NOSTRIN: variants seen among roughly 807,000 people sequenced by gnomAD.
NOSTRIN encodes the protein BM247 homolog.
NOSTRIN carries 63 observed loss-of-function variants against 59.0 expected under a neutral mutation model. The observed-to-expected ratio is 1.07, with a 90% CI of 0.87 to 1.32. NOSTRIN has a LOEUF of 1.32. Among genes scored for constraint, NOSTRIN ranks in the 40% most tolerant of loss-of-function variants. NOSTRIN has a pLI of 0.00. For synonymous variants in NOSTRIN, 200 were observed against 165.4 expected, an observed-to-expected ratio of 1.21 and a Z score of -1.61; for missense variants, 512 against 473.1, an observed-to-expected ratio of 1.08 and a Z score of -0.76.
At chr2:168,829,561 T>C (rs1687251280) in intron 5 of NOSTRIN, among the ~76,000 whole-genome samples, 1 of 152,214 alleles carries the variant, frequency 6.6e-6, no homozygotes, top group South Asian at 2.1e-4. Context: ...CCTCAGGTGA[T>C]CCGCCCATCT....
chr2:168,795,749 T>C (rs1685462581), upstream of NOSTRIN, among the ~76,000 whole-genome samples: 1 of 152,220 alleles, frequency 6.6e-6, no homozygotes, highest in Admixed American at 6.5e-5. Context: ...AAGCTTATTT[T>C]GTGCAATTTT....
chr2:168,806,666 G>GT (rs1386537576), intron 1 of NOSTRIN, among the ~76,000 whole-genome samples: 5 of 152,064 alleles, frequency 3.3e-5, no homozygotes, highest in Non-Finnish European at 7.4e-5. Context: ...ACCTCATCGT[G>GT]TTTTTTTCCC....
intron 1 of NOSTRIN, among the ~76,000 whole-genome samples, chr2:168,809,105 A>G (rs1476280917): frequency 6.6e-6 from 1 of 152,232 alleles, no homozygotes; most frequent in Admixed American, 6.5e-5. Context: ...CCCCAAATAC[A>G]TATGTCTTTA....
chr2:168,810,251 AGTCCTATCACAGCTTTCT>A (rs1313308197), intron 1 of NOSTRIN, among the ~76,000 whole-genome samples: 2 of 152,332 alleles, frequency 1.3e-5, no homozygotes, highest in African/African-American at 4.8e-5. Flanking sequence ...AGCAGTTTCA[AGTCCTATCACAGCTTTCT>A]GTGTTAAATT....
rs1324543146 is a variant in NOSTRIN, at chr2:168,834,237, A to T, written c.416A>T (p.Lys139Ile). Residue 139 changes from lysine to isoleucine, a missense_variant, in exon 7 of 16, where the codon AAA (lysine) becomes ATA (isoleucine). Physicochemically the swap from Lys to Ile is moderately radical, Grantham distance 102. Coordinates refer to ENST00000317647, the MANE Select transcript of NOSTRIN (RefSeq NM_001039724.4). The part of the protein sequence containing the change: ...NWNQQIKAKK[K>I]LMVSTKKHEA... ...TGTTTTTTACTCTAGGCCAAGAAGA[A>T]ATTAATGGTTAGTACCAAGAAACAT... 2.3e-6 allele frequency: 2 copies of T among 872,606 alleles called. No individual in the cohort carries two copies. Among genetic ancestry groups the T allele is most frequent in the African/African-American group, 3.3e-5 (2 of 61,318 alleles). The allele number at this position is 872,606 out of a possible 1,614,324, so 54.1% of individuals were successfully genotyped here. A position where few individuals can be genotyped will look rare whatever the true frequency, so the allele number is the denominator to read the frequency against.
chr2:168,798,391 A>T (rs1685536326), upstream of NOSTRIN, among the ~76,000 whole-genome samples: 1 of 152,198 alleles, frequency 6.6e-6, no homozygotes, highest in Admixed American at 6.5e-5. Context: ...CCTTTTTCTT[A>T]CTAGCTTACC....
At chr2:168,797,761 G>A (rs1424329132), upstream of NOSTRIN, among the ~76,000 whole-genome samples, 6 of 152,016 alleles carry the variant, frequency 3.9e-5, no homozygotes, top group African/African-American at 1.4e-4. Flanking sequence ...ATGAATCGCT[G>A]GAGTTCAGGA....
chr2:168,788,767 T>C (rs1685268898), intron 2 of NOSTRIN, among the ~76,000 whole-genome samples: 1 of 152,180 alleles, frequency 6.6e-6, no homozygotes, highest in African/African-American at 2.4e-5. Flanking sequence ...CTTAGTAGTA[T>C]TGGATTAAAA....
At chr2:168,835,978 G>A (rs1687695361) in intron 7 of NOSTRIN, among the ~76,000 whole-genome samples, 1 of 152,216 alleles carries the variant, frequency 6.6e-6, no homozygotes, top group Non-Finnish European at 1.5e-5. Context: ...TACAAAAGAT[G>A]AGTCTCCACT....
Position 168,862,065 on chromosome 2 carries a change from A to C in NOSTRIN, c.1384+16A>C. ...TTGGAAAAGGGTAAGAATCATTCTC[A>C]AATATTTTAATTGCCTTCCCATATT... On this transcript the variant is annotated intron_variant, in intron 15 of 15. Coordinates refer to ENST00000317647, the MANE Select transcript of NOSTRIN (RefSeq NM_001039724.4). The C allele has an allele frequency of 6.2e-7, 1 of 1,607,016 alleles. No homozygotes were observed. Among genetic ancestry groups the C allele is most frequent in the Non-Finnish European group, 8.5e-7 (1 of 1,173,570 alleles).
chr2:168,813,971 C>T (rs919704144), intron 2 of NOSTRIN, among the ~76,000 whole-genome samples: 3 of 152,146 alleles, frequency 2.0e-5, no homozygotes, highest in African/African-American at 2.4e-5. Context: ...GGTGTCTCCT[C>T]GTCTTGAGCT....
intron 2 of NOSTRIN, among the ~76,000 whole-genome samples, chr2:168,823,912 C>T (rs1686907031): frequency 6.6e-6 from 1 of 152,104 alleles, no homozygotes. Context: ...CTCATTTCTA[C>T]TAAAAATACA....
chr2:168,840,438 G>C (rs1334916757), intron 7 of NOSTRIN, among the ~76,000 whole-genome samples: 1 of 149,256 alleles, frequency 6.7e-6, no homozygotes, highest in Non-Finnish European at 1.5e-5. Flanking sequence ...GCTGAGGCAG[G>C]AGAATGGCGT....
At chr2:168,820,500 A>C (rs1275498760) in intron 2 of NOSTRIN, among the ~76,000 whole-genome samples, 1 of 152,160 alleles carries the variant, frequency 6.6e-6, no homozygotes, top group Non-Finnish European at 1.5e-5. Context: ...CACTGTCTGG[A>C]CAGTCTCTTT....
intron 7 of NOSTRIN, among the ~76,000 whole-genome samples, chr2:168,834,828 C>A (rs1486397136): frequency 6.6e-6 from 1 of 151,634 alleles, no homozygotes; most frequent in Non-Finnish European, 1.5e-5. Flanking sequence ...AAAATAAATA[C>A]TATATATATG....
At chr2:168,840,656 A>G (rs1688041734) in intron 7 of NOSTRIN, among the ~76,000 whole-genome samples, 1 of 152,192 alleles carries the variant, frequency 6.6e-6, no homozygotes, top group Non-Finnish European at 1.5e-5. Context: ...TTAACGTTCA[A>G]CATTTTGGAT....
chr2:168,797,072 CTTTTTTCTTTTT>C (rs1266025333), upstream of NOSTRIN, among the ~76,000 whole-genome samples: 1 of 85,350 alleles, frequency 1.2e-5, no homozygotes. Flanking sequence ...CTTTCTTTTT[CTTTTTTCTTTTT>C]TTTTTTTTTT....
intron 3 of NOSTRIN, 107 bp from the exon 4 acceptor site, chr2:168,828,051 A>G (rs1022144846): frequency 1.3e-6 from 1 of 766,474 alleles, no homozygotes. Context: ...AGTGAATGCA[A>G]TTGTTGAATG....
At chr2:168,838,620 G>A (rs1309750977) in intron 7 of NOSTRIN, among the ~76,000 whole-genome samples, 2 of 151,730 alleles carry the variant, frequency 1.3e-5, no homozygotes, top group African/African-American at 2.4e-5. Flanking sequence ...TCTTTTGCTT[G>A]GTTTTTTGTA....
Sources: allele counts gnomAD v4.1 joint callset (sites outside exome capture counted in the v4.1 genomes callset), GRCh38; gene constraint gnomAD v4.1.1; transcripts MANE v1.5; gene names NCBI Gene and HGNC (gene_info 2026-07-23, HGNC 2026-07-21).